Variants in DAB1 observed in about 807,000 individuals in gnomAD.
DAB1 encodes disabled homolog 1.
In DAB1, 15 loss-of-function variants were observed where a neutral mutation model predicts 64.6. The ratio of observed to expected loss-of-function variants is 0.23; its 90% CI spans 0.16 to 0.36. The LOEUF is 0.36. Ranked by LOEUF, DAB1 falls within the 10% of genes least tolerant of loss-of-function variation. The pLI is 1.00. For synonymous variants in DAB1, 235 were observed against 251.9 expected, an observed-to-expected ratio of 0.93 and a Z score of 0.64; for missense variants, 596 against 706.7, an observed-to-expected ratio of 0.84 and a Z score of 1.78.
Position 57,014,911 on chromosome 1 carries a change from C to T in DAB1, c.1416G>A (p.Val472=). Residue 472 remains valine (V), a synonymous_variant, in exon 12 of 15, where the codon GTG becomes GTA. Coordinates refer to ENST00000371236, the MANE Select transcript of DAB1 (RefSeq NM_001365792.1). ...FDISQLNLTP[V]TSTTPSTNSP... The stretch of plus-strand genomic sequence containing the variant: ...AGTTGGTCGATGGTGTGGTAGAAGT[C>T]ACAGGGGTCAAATTCAACTGGGAGA... The T allele has an allele frequency of 6.3e-7, 1 of 1,592,978 alleles. No homozygotes were observed. Among genetic ancestry groups the T allele is most frequent in the Non-Finnish European group, 8.6e-7 (1 of 1,168,596 alleles).
chr1:58,049,377 C>T (rs1647472258), intron 5 of DAB1: 1 of 553,210 alleles, frequency 1.8e-6, no homozygotes, highest in African/African-American at 1.9e-5. Context: ...TGTATCTTAA[C>T]CTGAACTATT....
chr1:57,170,624 G>A (rs955097277), intron 2 of DAB1, among the ~76,000 whole-genome samples: 1 of 152,126 alleles, frequency 6.6e-6, no homozygotes, highest in Non-Finnish European at 1.5e-5. Context: ...AGCTTGGCAG[G>A]TGCAGGATTG....
At chr1:57,329,154 A>G (rs1676431313) in intron 1 of DAB1, among the ~76,000 whole-genome samples, 1 of 152,232 alleles carries the variant, frequency 6.6e-6, no homozygotes, top group Non-Finnish European at 1.5e-5. Context: ...GGAGTCCAGC[A>G]CAATGAGTGC....
rs114076022 is a variant in DAB1, at chr1:57,726,423, T to G, written n.552-76758A>C. 4.9e-3 allele frequency among the ~76,000 whole-genome samples: 748 copies of G among 152,268 alleles called. 6 individuals carry two copies. Among genetic ancestry groups the G allele is most frequent in the African/African-American group, 0.017 (723 of 41,548 alleles). On this transcript the variant is annotated intron_variant and non_coding_transcript_variant, in intron 6 of 20. Coordinates refer to the DAB1 transcript ENST00000485760. ...ACAGGTAGTACCAAGGGGCATGGGA[T>G]ACAGCTAGGATGCACTGGGAAATGT... is the stretch of plus-strand genomic sequence containing the variant.
At chr1:57,670,774 A>G (rs2101683405) in intron 6 of DAB1, among the ~76,000 whole-genome samples, 1 of 152,290 alleles carries the variant, frequency 6.6e-6, no homozygotes, top group Non-Finnish European at 1.5e-5. Flanking sequence ...TAGGTTGAAC[A>G]TGAAGAAATA....
chr1:57,506,966 CT>C (rs1437085972), intron 7 of DAB1, among the ~76,000 whole-genome samples: 1 of 152,156 alleles, frequency 6.6e-6, no homozygotes, highest in Non-Finnish European at 1.5e-5. Context: ...TCACCCAGGC[CT>C]TTTCAACAAG....
chr1:57,618,082 C>G (rs1645809958), intron 7 of DAB1, among the ~76,000 whole-genome samples: 1 of 152,200 alleles, frequency 6.6e-6, no homozygotes, highest in Admixed American at 6.5e-5. Flanking sequence ...GATGCACCCT[C>G]TCTGCAGACT....
At chr1:57,325,639 T>G (rs1406388770) in intron 1 of DAB1, among the ~76,000 whole-genome samples, 1 of 152,200 alleles carries the variant, frequency 6.6e-6, no homozygotes, top group East Asian at 1.9e-4. Context: ...GCAGACTGTG[T>G]CTTTTTTATC....
At chr1:57,079,869 T>C (rs115399811) in intron 4 of DAB1, among the ~76,000 whole-genome samples, 2 of 151,760 alleles carry the variant, frequency 1.3e-5, no homozygotes, top group Admixed American at 6.5e-5. Flanking sequence ...TCCTCTCTAC[T>C]TCCTCGACTT....
intron 5 of DAB1, among the ~76,000 whole-genome samples, chr1:58,120,174 ACT>A (rs1248278643): frequency 4.6e-5 from 7 of 151,844 alleles, no homozygotes; most frequent in African/African-American, 1.7e-4. Context: ...AATAACTTAG[ACT>A]CTCTGAGTCA....
chr1:57,146,150 A>G lies in DAB1; in HGVS notation c.68-721T>C, dbSNP rs546416301. ...GGACAATAAAGTTAACTCTGAACTGAGCAAGCGCTTCATGCCAGATGTTCT... is the reference window on the plus strand; with the variant it reads ...GGACAATAAAGTTAACTCTGAACTGGGCAAGCGCTTCATGCCAGATGTTCT... On this transcript the variant is annotated intron_variant, in intron 2 of 14. Coordinates refer to ENST00000371236, the MANE Select transcript of DAB1 (RefSeq NM_001365792.1). 7.2e-5 allele frequency among the ~76,000 whole-genome samples: 11 copies of G among 152,358 alleles called. No individual in the cohort carries two copies. The South Asian group carries it at 1.7e-3, about 23-fold the overall frequency.
intron 4 of DAB1, among the ~76,000 whole-genome samples, chr1:57,112,411 A>G (rs1428074593): frequency 6.6e-6 from 1 of 152,214 alleles, no homozygotes; most frequent in African/African-American, 2.4e-5. Flanking sequence ...ATCATCACCA[A>G]GATGGGGCAG....
chr1:57,261,924 G>A (rs12075592), intron 2 of DAB1, among the ~76,000 whole-genome samples: 11,051 of 152,210 alleles, frequency 0.073, 1,353 homozygotes, highest in African/African-American at 0.25. Context: ...TGATTTATTT[G>A]TTATTTATCA....
intron 6 of DAB1, among the ~76,000 whole-genome samples, chr1:57,752,010 T>C (rs1648577231): frequency 6.6e-6 from 1 of 152,130 alleles, no homozygotes; most frequent in South Asian, 2.1e-4. Context: ...CGCAATGAAG[T>C]CTTGGACCTA....
At chr1:58,125,794 A>C (rs1653033084) in intron 5 of DAB1, among the ~76,000 whole-genome samples, 1 of 152,154 alleles carries the variant, frequency 6.6e-6, no homozygotes, top group Admixed American at 6.5e-5. Flanking sequence ...TCTTCTGCTG[A>C]TCACTATGAG....
chr1:57,046,442 A>C (rs1050369257), intron 9 of DAB1, among the ~76,000 whole-genome samples: 9 of 152,044 alleles, frequency 5.9e-5, no homozygotes, highest in African/African-American at 2.2e-4. Context: ...TTTACACTAG[A>C]CTTTGTTCAT....
chr1:57,560,912 G>A lies in DAB1; in HGVS notation n.625+88680C>T, dbSNP rs369488581. On this transcript the variant is annotated intron_variant and non_coding_transcript_variant, in intron 7 of 20. Transcript: ENST00000485760. ...TACTGGGCTTTGGTGGAAACTGAAC[G>A]TTTGACTACGGGACATCAAATTACC... Among the ~76,000 whole-genome samples the A allele has an allele frequency of 4.6e-5, 7 of 152,244 alleles. No homozygotes were observed. The South Asian group carries it at 8.3e-4, about 18-fold the overall frequency.
intron 9 of DAB1, among the ~76,000 whole-genome samples, chr1:57,041,323 A>G (rs1647757918): frequency 6.6e-6 from 1 of 152,244 alleles, no homozygotes; most frequent in Non-Finnish European, 1.5e-5. Flanking sequence ...CACTATGCCT[A>G]TCCTGTGAGC....
chr1:57,182,474 T>C (rs1663078381), intron 2 of DAB1, among the ~76,000 whole-genome samples: 4 of 152,210 alleles, frequency 2.6e-5, no homozygotes, highest in Admixed American at 2.6e-4. Context: ...CTGTGCACTC[T>C]ACATTGTATC....
Sources: allele counts gnomAD v4.1 joint callset (sites outside exome capture counted in the v4.1 genomes callset), GRCh38; gene constraint gnomAD v4.1.1; transcripts MANE v1.5; gene names NCBI Gene and HGNC (gene_info 2026-07-23, HGNC 2026-07-21).